The following FRG1 variants were observed in gnomAD, a reference collection of about 807,000 sequenced individuals.
The protein encoded by FRG1 is FSHD region gene 1.
A neutral mutation model predicts 37.0 loss-of-function variants in FRG1; 19 were observed. The observed-to-expected ratio is 0.51, with a 90% CI of 0.36 to 0.75. The LOEUF (loss-of-function observed/expected upper bound fraction) is 0.75. Ranked by LOEUF, FRG1 falls within the 30% of genes least tolerant of loss-of-function variation. The probability of loss-of-function intolerance (pLI) is 0.00; values close to 1 mark genes in which losing one functional copy is unlikely to be tolerated. For missense variants in FRG1, 243 were observed against 301.4 expected (o/e 0.81, Z 1.44); for synonymous variants, 73 against 96.5 (o/e 0.76, Z 1.43).
chr4:189,950,030 T>C (rs1736687713), intron 2 of FRG1, among the ~76,000 whole-genome samples: 1 of 152,168 alleles, frequency 6.6e-6, no homozygotes, highest in African/African-American at 2.4e-5. Flanking sequence ...TCTGGCTTTC[T>C]TGGTTTCTGT....
chr4:189,941,727 A>C (rs1561060677), intron 1 of FRG1: 5 of 282,064 alleles, frequency 1.8e-5, no homozygotes, highest in Non-Finnish European at 2.9e-5. Context: ...TATATGCAGA[A>C]AATAAATTGA....
At chr4:189,942,440 A>C (rs1249329357) in intron 1 of FRG1, among the ~76,000 whole-genome samples, 2 of 152,132 alleles carry the variant, frequency 1.3e-5, no homozygotes, top group African/African-American at 4.8e-5. Context: ...GAAATCGCCT[A>C]TTCTGAATAT....
rs1736769633 is a variant in FRG1 at position 189,951,909 on chromosome 4, C to T, written c.134-253C>T. Among the ~76,000 whole-genome samples, 3 of 152,112 alleles carry T rather than the reference C, an allele frequency of 2.0e-5. No individual in the cohort carries two copies. The South Asian group carries it at 6.2e-4, about 32-fold the overall frequency. ...ATGAATCTCTGCACATACATGCAAACAAGTACATGTAAAACTGGTGAAATC... is the reference window on the plus strand; with the variant it reads ...ATGAATCTCTGCACATACATGCAAATAAGTACATGTAAAACTGGTGAAATC... On this transcript the variant is annotated intron_variant, in intron 2 of 8. Coordinates refer to ENST00000226798, the MANE Select transcript of FRG1 (RefSeq NM_004477.3).
In FRG1 at chr4:189,940,950, C is replaced by G. The variant is rs1384077653; in HGVS notation, c.-60C>G. 2.9e-6 allele frequency: 4 copies of G among 1,391,868 alleles called. No homozygotes were observed. The highest frequency in any genetic ancestry group is 2.3e-5 in the South Asian group (2 of 85,378). 86.2% of individuals were successfully genotyped at this position (1,391,868 alleles called of 1,614,324 possible). On this transcript the variant is annotated 5_prime_UTR_variant, in exon 1 of 9. Coordinates refer to ENST00000226798, the MANE Select transcript of FRG1 (RefSeq NM_004477.3). ...GTTTCTCCGCGCCCCTGTGCTGCCC[C>G]GACTCACATACTCGTCCAGAACCGG... is the stretch of plus-strand genomic sequence containing the variant.
At chr4:189,955,449 C>G (rs1172180542) in intron 5 of FRG1, among the ~76,000 whole-genome samples, 5 of 120,520 alleles carry the variant, frequency 4.1e-5, no homozygotes, top group Non-Finnish European at 8.1e-5. Flanking sequence ...AGAGTAGTTC[C>G]TAAGTATCTT....
At chr4:189,945,388 C>T (rs1342293609) in intron 2 of FRG1, among the ~76,000 whole-genome samples, 1 of 152,174 alleles carries the variant, frequency 6.6e-6, no homozygotes, top group Non-Finnish European at 1.5e-5. Context: ...TCTGTAGGAT[C>T]TGCAGAGAAA....
chr4:189,951,710 G>A (rs1561069821), intron 2 of FRG1, among the ~76,000 whole-genome samples: 2 of 151,994 alleles, frequency 1.3e-5, no homozygotes, highest in Admixed American at 1.3e-4. Context: ...CTGTCACTCA[G>A]GCTAGAGTGC....
rs761108768 is a variant in FRG1, at chr4:189,952,301, A to C, written c.259+14A>C. 3.1e-6 allele frequency: 5 copies of C among 1,609,524 alleles called. No homozygotes were observed. The African/African-American group carries it at 6.7e-5, about 22-fold the overall frequency. ...CACACAAAGAAGGTTTGTGTCTGGAAGGGAAGAGGCTGCCACAAGTGTAGA... is the reference window on the plus strand; with the variant it reads ...CACACAAAGAAGGTTTGTGTCTGGACGGGAAGAGGCTGCCACAAGTGTAGA... On this transcript the variant is annotated intron_variant, in intron 3 of 8. Transcript: ENST00000226798.
chr4:189,954,037 T>G (rs1381599836), intron 4 of FRG1, among the ~76,000 whole-genome samples: 2 of 151,524 alleles, frequency 1.3e-5, no homozygotes, highest in South Asian at 2.1e-4. Context: ...CTGCGAACAA[T>G]CAGATCTCAA....
intron 6 of FRG1, among the ~76,000 whole-genome samples, chr4:189,958,955 A>G (rs1737107949): frequency 6.6e-6 from 1 of 152,240 alleles, no homozygotes; most frequent in Non-Finnish European, 1.5e-5. Flanking sequence ...CACAGGTTGC[A>G]TCCAGTCTGA....
Position 189,950,793 on chromosome 4 carries a change from G to A in FRG1, c.134-1369G>A, listed in dbSNP as rs1417363476. ...CCAATCTCATTTCATTTACACACATGCCCCCACACACATTTTTTCTTAGAA... is the reference window on the plus strand; with the variant it reads ...CCAATCTCATTTCATTTACACACATACCCCCACACACATTTTTTCTTAGAA... On this transcript the variant is annotated intron_variant, in intron 2 of 8. Transcript: ENST00000226798. Among the ~76,000 whole-genome samples, 5 of 151,870 alleles carry A rather than the reference G, an allele frequency of 3.3e-5. 1 individual carries two copies. In the South Asian group the frequency reaches 8.3e-4, roughly 25 times the overall value.
intron 2 of FRG1, among the ~76,000 whole-genome samples, chr4:189,951,124 T>C (rs1000905356): frequency 6.6e-6 from 1 of 152,186 alleles, no homozygotes; most frequent in Non-Finnish European, 1.5e-5. Context: ...GTCTAATATT[T>C]CTATTGGCAA....
chr4:189,941,174 C>A (rs1736277674), intron 1 of FRG1, 103 bp downstream of exon 1: 6 of 1,058,910 alleles, frequency 5.7e-6, no homozygotes, highest in East Asian at 5.0e-5. Flanking sequence ...GGCTTTGTGG[C>A]CTCCCAGGCT....
At chr4:189,951,380 A>G (rs1182890478) in intron 2 of FRG1, among the ~76,000 whole-genome samples, 1 of 151,272 alleles carries the variant, frequency 6.6e-6, no homozygotes, top group Non-Finnish European at 1.5e-5. Context: ...AACCCCAGCT[A>G]CTCGGGAAGC....
At chr4:189,953,262 A>G (rs1736839184) in intron 4 of FRG1, 137 bp downstream of exon 4, 25 of 1,329,532 alleles carry the variant, frequency 1.9e-5, no homozygotes, top group Non-Finnish European at 2.2e-5. Context: ...TGAAAAGTAG[A>G]TTTTGTGATC....
At chr4:189,943,976 G>A (rs1028261722) in intron 2 of FRG1, among the ~76,000 whole-genome samples, 1 of 152,124 alleles carries the variant, frequency 6.6e-6, no homozygotes, top group African/African-American at 2.4e-5. Context: ...ATGTAGATGT[G>A]GAATTGCTGT....
chr4:189,943,715 G>A (rs1308452945), intron 2 of FRG1, among the ~76,000 whole-genome samples: 1 of 152,054 alleles, frequency 6.6e-6, no homozygotes, highest in East Asian at 1.9e-4. Context: ...ACAACATCAG[G>A]GTAGCCTGTA....
intron 6 of FRG1, chr4:189,959,985 TA>T (rs1737160609): frequency 2.8e-6 from 2 of 720,800 alleles, no homozygotes; most frequent in African/African-American, 3.9e-5. Flanking sequence ...TCCCTCTTAC[TA>T]AAGGTAGCCT....
intron 1 of FRG1, among the ~76,000 whole-genome samples, chr4:189,942,344 G>A (rs1476826970): frequency 6.6e-6 from 1 of 152,012 alleles, no homozygotes; most frequent in Non-Finnish European, 1.5e-5. Flanking sequence ...CATCTCAGAA[G>A]GAAATCTCCC....
Sources: gnomAD v4.1 joint callset for allele counts (sites outside exome capture counted in the v4.1 genomes callset) on GRCh38, gnomAD v4.1.1 for gene constraint, MANE v1.5 for transcripts, NCBI Gene and HGNC (gene_info 2026-07-23, HGNC 2026-07-21) for gene names.